CAMTA1: variants seen among roughly 807,000 people sequenced by gnomAD.
CAMTA1 encodes calmodulin-binding transcription activator 1.
Under a neutral mutation model 170.9 loss-of-function variants are expected in CAMTA1, and 27 were observed. The observed-to-expected ratio is 0.16, with a 90% CI of 0.12 to 0.22. CAMTA1 has a LOEUF of 0.22. CAMTA1 is among the 10% of genes least tolerant of loss of function. CAMTA1 has a pLI of 1.00. For missense variants in CAMTA1, 1,619 were observed against 2,217.2 expected (o/e 0.73, Z 5.42); for synonymous variants, 833 against 891.5 (o/e 0.93, Z 1.17).
intron 6 of CAMTA1, among the ~76,000 whole-genome samples, chr1:7,560,549 T>C (rs2094942898): frequency 6.6e-6 from 1 of 152,198 alleles, no homozygotes; most frequent in South Asian, 2.1e-4. Flanking sequence ...ATCTGGGCCA[T>C]GAGTAAGGCC....
chr1:6,839,807 GA>G (rs897370832), intron 3 of CAMTA1, among the ~76,000 whole-genome samples: 42 of 151,692 alleles, frequency 2.8e-4, no homozygotes, highest in African/African-American at 8.9e-4. Context: ...GAGGAAATGT[GA>G]AAAAAAAAGT....
intron 4 of CAMTA1, among the ~76,000 whole-genome samples, chr1:7,214,729 G>C (rs1230977558): frequency 6.6e-6 from 1 of 152,048 alleles, no homozygotes; most frequent in Non-Finnish European, 1.5e-5. Context: ...TGTGCTTTAG[G>C]TGTTAAGTTT....
At chr1:6,794,252 G>A (rs943460971) in intron 1 of CAMTA1, among the ~76,000 whole-genome samples, 1 of 152,120 alleles carries the variant, frequency 6.6e-6, no homozygotes, top group African/African-American at 2.4e-5. Context: ...ACCCTTCTTA[G>A]TGAAGAAAAT....
intron 5 of CAMTA1, among the ~76,000 whole-genome samples, chr1:7,424,555 C>T (rs2091771530): frequency 6.6e-6 from 1 of 152,092 alleles, no homozygotes. Flanking sequence ...AGGGCAGCCA[C>T]GTCCTGGCCT....
intron 4 of CAMTA1, among the ~76,000 whole-genome samples, chr1:7,143,102 G>A (rs1237092520): frequency 6.6e-6 from 1 of 152,188 alleles, no homozygotes; most frequent in East Asian, 1.9e-4. Flanking sequence ...ACCATGAGGA[G>A]AAGGAACAGG....
At chr1:6,838,832 C>T (rs1057395738) in intron 3 of CAMTA1, among the ~76,000 whole-genome samples, 3 of 152,170 alleles carry the variant, frequency 2.0e-5, no homozygotes, top group Non-Finnish European at 4.4e-5. Context: ...TTATAGCTCA[C>T]TGCAGCTTCA....
intron 3 of CAMTA1, among the ~76,000 whole-genome samples, chr1:7,012,830 T>C (rs999666747): frequency 5.9e-5 from 9 of 152,148 alleles, no homozygotes; most frequent in Non-Finnish European, 8.8e-5. Flanking sequence ...TCTCTAAATG[T>C]AGCTTCCCGC....
intron 5 of CAMTA1, among the ~76,000 whole-genome samples, chr1:7,338,340 T>C (rs1428726886): frequency 6.6e-6 from 1 of 152,124 alleles, no homozygotes; most frequent in Non-Finnish European, 1.5e-5. Flanking sequence ...AGGCTACTCA[T>C]GTAGGGCCGG....
intron 3 of CAMTA1, among the ~76,000 whole-genome samples, chr1:7,047,723 T>C (rs1170226329): frequency 6.7e-4 from 93 of 138,930 alleles, no homozygotes; most frequent in Middle Eastern, 3.6e-3. Flanking sequence ...CTCTCTCTCT[T>C]TTTTTTTTTT....
intron 11 of CAMTA1, among the ~76,000 whole-genome samples, chr1:7,709,708 A>T (rs1461299018): frequency 6.6e-6 from 1 of 152,212 alleles, no homozygotes; most frequent in African/African-American, 2.4e-5. Context: ...ATACAGCAGG[A>T]TGGGCACTGG....
chr1:7,498,253 AGT>A (rs60811924), intron 6 of CAMTA1, among the ~76,000 whole-genome samples: 1,673 of 139,792 alleles, frequency 0.012, 36 homozygotes, highest in African/African-American at 0.042. Flanking sequence ...TGTGTGGGAG[AGT>A]GTATGAGAGA....
chr1:7,424,808 G>A (rs2091785670), intron 5 of CAMTA1, among the ~76,000 whole-genome samples: 1 of 152,122 alleles, frequency 6.6e-6, no homozygotes, highest in Non-Finnish European at 1.5e-5. Flanking sequence ...GTCTGGGCCT[G>A]CAGTGGGGAA....
intron 4 of CAMTA1, among the ~76,000 whole-genome samples, chr1:7,101,555 CAAAG>C (rs1463378128): frequency 6.6e-6 from 1 of 152,176 alleles, no homozygotes; most frequent in Non-Finnish European, 1.5e-5. Flanking sequence ...AAACCAAAAA[CAAAG>C]GAAGGAAATC....
intron 6 of CAMTA1, among the ~76,000 whole-genome samples, chr1:7,484,491 A>C (rs1296567358): frequency 6.6e-6 from 1 of 152,188 alleles, no homozygotes; most frequent in African/African-American, 2.4e-5. Context: ...ATAGACCAGC[A>C]TTCAGATAAC....
At chr1:7,711,890 G>A (rs1285862910) in intron 11 of CAMTA1, among the ~76,000 whole-genome samples, 1 of 152,150 alleles carries the variant, frequency 6.6e-6, no homozygotes, top group African/African-American at 2.4e-5. Context: ...GAAAAACAGT[G>A]CAATAAATGG....
intron 6 of CAMTA1, among the ~76,000 whole-genome samples, chr1:7,598,049 A>G (rs1343234481): frequency 6.6e-6 from 1 of 151,648 alleles, no homozygotes; most frequent in Admixed American, 6.6e-5. Flanking sequence ...CTCTTCATTT[A>G]ACATTAGGTA....
chr1:7,091,279 T>C, intron 3 of CAMTA1, 25 bp from the exon 4 acceptor site: 1 of 1,547,710 alleles, frequency 6.5e-7, no homozygotes, highest in Non-Finnish European at 8.9e-7. Flanking sequence ...ATTGTTGTTA[T>C]TATCTTTTTA....
intron 6 of CAMTA1, among the ~76,000 whole-genome samples, chr1:7,522,031 C>T (rs955583274): frequency 1.3e-5 from 2 of 152,202 alleles, no homozygotes; most frequent in African/African-American, 4.8e-5. Flanking sequence ...CCCAAGAGTG[C>T]AATTGCTGGG....
At chr1:6,963,071 C>T (rs1267620829) in intron 3 of CAMTA1, among the ~76,000 whole-genome samples, 17 of 151,398 alleles carry the variant, frequency 1.1e-4, no homozygotes, top group Admixed American at 1.1e-3. Flanking sequence ...CTGGACCAAC[C>T]CCTCTGTCCA....
Sources: allele counts gnomAD v4.1 joint callset (sites outside exome capture counted in the v4.1 genomes callset), GRCh38; gene constraint gnomAD v4.1.1; transcripts MANE v1.5; gene names NCBI Gene and HGNC (gene_info 2026-07-23, HGNC 2026-07-21).